Variants in FAM177A1 observed in about 807,000 individuals in gnomAD.
FAM177A1 encodes protein FAM177A1.
Under a neutral mutation model 26.1 loss-of-function variants are expected in FAM177A1, and 22 were observed. The observed-to-expected ratio is 0.84, with a 90% confidence interval of 0.60 to 1.20. The LOEUF is 1.20. FAM177A1 is among the 50% of genes most tolerant of loss of function. The pLI, the probability that FAM177A1 is intolerant of heterozygous loss-of-function variation, is 0.00. For missense variants in FAM177A1, 296 were observed against 291.1 expected (o/e 1.02, Z -0.12); for synonymous variants, 95 against 99.3 (o/e 0.96, Z 0.26).
intron 2 of FAM177A1, among the ~76,000 whole-genome samples, chr14:35,063,963 G>A (rs765326265): frequency 2.8e-5 from 4 of 141,616 alleles, no homozygotes; most frequent in Non-Finnish European, 6.1e-5. Flanking sequence ...CAGGAGAATC[G>A]CTTGAATCCA....
rs769436856 is a variant in FAM177A1 at position 35,077,196 on chromosome 14, C to G, written c.386C>G (p.Ala129Gly). ...TACTTATGGTTTTACATGCTTCGGGCTGCTACATCAACTCTCTCAGGTATT... is the reference window on the plus strand; with the variant it reads ...TACTTATGGTTTTACATGCTTCGGGGTGCTACATCAACTCTCTCAGGTATT... Reference protein sequence around the residue: ...GPYLWFYMLRAATSTLSVCDF... With the variant: ...GPYLWFYMLRGATSTLSVCDF... The change falls in exon 3 of 5, where the codon GCT becomes GGT. Residue 129 changes from alanine to glycine, a missense_variant. Ala to Gly is a moderately conservative substitution (Grantham distance 60). Transcript: ENST00000280987. 10 of 1,613,606 alleles carry G rather than the reference C, an allele frequency of 6.2e-6. No homozygotes were observed. The East Asian group carries it at 2.2e-4, about 36-fold the overall frequency.
At chr14:35,072,158 C>A (rs2045331356) in intron 2 of FAM177A1, among the ~76,000 whole-genome samples, 1 of 151,882 alleles carries the variant, frequency 6.6e-6, no homozygotes, top group Non-Finnish European at 1.5e-5. Context: ...ACCTGTAGTC[C>A]CAGCTACTCG....
intron 2 of FAM177A1, chr14:35,054,981 A>G (rs556200337): frequency 3.4e-5 from 5 of 147,710 alleles, no homozygotes; most frequent in Non-Finnish European, 7.5e-5. Flanking sequence ...TGGTCTCAAA[A>G]AATAAAAAAA....
At chr14:35,059,965 G>GT (rs1321589595) in intron 2 of FAM177A1, among the ~76,000 whole-genome samples, 4 of 140,578 alleles carry the variant, frequency 2.8e-5, no homozygotes, top group African/African-American at 8.0e-5. Flanking sequence ...GCGCCTGGCT[G>GT]TTTTTTTTGT....
intron 2 of FAM177A1, among the ~76,000 whole-genome samples, chr14:35,071,134 C>CTACAGGCACCT (rs2045314876): frequency 6.6e-6 from 1 of 151,630 alleles, no homozygotes; most frequent in South Asian, 2.1e-4. Flanking sequence ...GTAGCTGGGA[C>CTACAGGCACCT]TACAGGCACC....
chr14:35,067,052 G>A (rs1328785167), intron 2 of FAM177A1, among the ~76,000 whole-genome samples: 4 of 152,014 alleles, frequency 2.6e-5, no homozygotes, highest in African/African-American at 9.7e-5. Context: ...CTGGCCTCCC[G>A]AAGTTCTGGG....
In FAM177A1 at chr14:35,082,838, TGAG is replaced by T. The variant is rs2045507221; in HGVS notation, c.*1611_*1613del. 6.6e-6 allele frequency: 1 copy of T among 152,198 alleles called. No homozygotes were observed. The allele number at this position is 152,198 out of a possible 1,614,324, so 9.4% of individuals were successfully genotyped here. On this transcript the variant is annotated 3_prime_UTR_variant, in exon 5 of 5. Transcript: ENST00000280987. ...TGGAAATCTGTCAATGAACATGAAC[TGAG>T]TTCTTCAACTACAGGTTGAAGGATA...
At chr14:35,068,874 G>A (rs1376692712) in intron 2 of FAM177A1, among the ~76,000 whole-genome samples, 1 of 152,202 alleles carries the variant, frequency 6.6e-6, no homozygotes, top group Admixed American at 6.5e-5. Flanking sequence ...AAGAGGGTGA[G>A]AGAGAGACAG....
In FAM177A1 at chr14:35,062,803, A is replaced by G. The variant is rs530666404; in HGVS notation, c.339+9352A>G. ...AGTGAGACCCTGTCTCAAAAAAAAAAAAAAGAAAAGAAAAATATATGGTAG... is the reference window on the plus strand; with the variant it reads ...AGTGAGACCCTGTCTCAAAAAAAAAGAAAAGAAAAGAAAAATATATGGTAG... On this transcript the variant is annotated intron_variant, in intron 2 of 4. Coordinates refer to ENST00000280987, the MANE Select transcript of FAM177A1 (RefSeq NM_173607.5). Among the ~76,000 whole-genome samples, 8 of 151,152 alleles carry G rather than the reference A, an allele frequency of 5.3e-5. No individual in the cohort carries two copies. The South Asian group carries it at 1.0e-3, about 20-fold the overall frequency.
upstream of FAM177A1, chr14:35,045,302 T>A (rs2044844086): frequency 6.6e-6 from 1 of 152,180 alleles, no homozygotes; most frequent in Non-Finnish European, 1.5e-5. Context: ...TTTCAAATGA[T>A]TATTTGTTTT....
At chr14:35,047,103 TCAC>T (rs1200809326) in intron 1 of FAM177A1, 2 of 752,624 alleles carry the variant, frequency 2.7e-6, no homozygotes, top group Non-Finnish European at 3.2e-6. Flanking sequence ...TAGCCCCATT[TCAC>T]CGCCGAGGCA....
intron 2 of FAM177A1, among the ~76,000 whole-genome samples, chr14:35,072,244 C>T (rs1338257661): frequency 1.3e-5 from 2 of 152,036 alleles, no homozygotes; most frequent in Non-Finnish European, 2.9e-5. Flanking sequence ...CATTGCACTC[C>T]AGCCTGGGTG....
chr14:35,079,959 C>T (rs1381472298), intron 4 of FAM177A1, among the ~76,000 whole-genome samples: 3 of 152,140 alleles, frequency 2.0e-5, no homozygotes, highest in South Asian at 4.1e-4. Flanking sequence ...TGGTTTCAAA[C>T]CTGTTTTATG....
At chr14:35,073,941 C>G (rs1302629237) in intron 2 of FAM177A1, among the ~76,000 whole-genome samples, 1 of 152,118 alleles carries the variant, frequency 6.6e-6, no homozygotes, top group Non-Finnish European at 1.5e-5. Context: ...AATGATTTTC[C>G]TAATGATGTG....
chr14:35,078,829 G>A (rs2045435428), intron 3 of FAM177A1, 98 bp from the exon 4 acceptor site: 1 of 743,108 alleles, frequency 1.3e-6, no homozygotes, highest in Non-Finnish European at 2.0e-6. Context: ...TTGAGAGCAG[G>A]AACAGTAACT....
intron 2 of FAM177A1, among the ~76,000 whole-genome samples, chr14:35,054,069 G>C (rs2045021636): frequency 6.6e-6 from 1 of 152,090 alleles, no homozygotes; most frequent in Admixed American, 6.6e-5. Flanking sequence ...TGCCATGATA[G>C]TTTCCACCCA....
intron 2 of FAM177A1, among the ~76,000 whole-genome samples, chr14:35,062,591 A>G (rs1263833377): frequency 1.3e-5 from 2 of 152,132 alleles, no homozygotes; most frequent in Admixed American, 1.3e-4. Flanking sequence ...ACCTACCTGT[A>G]GTTGTTTTTA....
intron 4 of FAM177A1, 105 bp downstream of exon 4, chr14:35,079,129 C>G (rs574771051): frequency 1.4e-6 from 1 of 720,040 alleles, no homozygotes; most frequent in East Asian, 3.2e-5. Flanking sequence ...ATGTAGCTCT[C>G]TTATGCTAGG....
chr14:35,053,597 A>G (rs1345795836), intron 2 of FAM177A1, 146 bp downstream of exon 2: 2 of 763,172 alleles, frequency 2.6e-6, no homozygotes, highest in Non-Finnish European at 4.3e-6. Context: ...TTGATAGAAA[A>G]TAATATTTTT....
Sources: gnomAD v4.1 joint callset for allele counts (sites outside exome capture counted in the v4.1 genomes callset) on GRCh38, gnomAD v4.1.1 for gene constraint, MANE v1.5 for transcripts, NCBI Gene and HGNC (gene_info 2026-07-23, HGNC 2026-07-21) for gene names.